IQCJ: variants seen among roughly 807,000 people sequenced by gnomAD.
IQCJ encodes IQ domain-containing protein J.
IQCJ carries 9 observed loss-of-function variants against 11.0 expected under a neutral mutation model. The ratio of observed to expected loss-of-function variants is 0.82; its 90% CI spans 0.49 to 1.43. The LOEUF (loss-of-function observed/expected upper bound fraction) is 1.43, where lower values mean the gene tolerates loss of function less well. IQCJ is among the 40% of genes most tolerant of loss of function. IQCJ has a pLI of 0.00. For missense variants in IQCJ, 146 were observed against 133.2 expected, an observed-to-expected ratio of 1.10 and a Z score of -0.47; for synonymous variants, 55 against 51.3, an observed-to-expected ratio of 1.07 and a Z score of -0.31.
At chr3:159,142,741 T>A (rs1370491060) in intron 1 of IQCJ, among the ~76,000 whole-genome samples, 1 of 152,164 alleles carries the variant, frequency 6.6e-6, no homozygotes, top group South Asian at 2.1e-4. Context: ...TTTATTTTAT[T>A]TTATTTTTTA....
intron 1 of IQCJ, among the ~76,000 whole-genome samples, chr3:159,109,434 T>C (rs1718473865): frequency 6.8e-6 from 1 of 146,430 alleles, no homozygotes; most frequent in Non-Finnish European, 1.5e-5. Context: ...GCATTTTAAC[T>C]CACAAATAGC....
intron 1 of IQCJ, among the ~76,000 whole-genome samples, chr3:159,109,491 C>A (rs1221303439): frequency 1.5e-5 from 2 of 129,752 alleles, no homozygotes; most frequent in Non-Finnish European, 1.6e-5. Context: ...GTTAAGAAAG[C>A]ACATAAGGCT....
At chr3:159,129,571 A>G (rs1232553600) in intron 1 of IQCJ, among the ~76,000 whole-genome samples, 1 of 152,162 alleles carries the variant, frequency 6.6e-6, no homozygotes, top group Admixed American at 6.6e-5. Flanking sequence ...GAGGGGAAAG[A>G]GTTGTAAAGT....
At chr3:159,074,484 A>G (rs1418551504) in intron 1 of IQCJ, among the ~76,000 whole-genome samples, 1 of 152,024 alleles carries the variant, frequency 6.6e-6, no homozygotes, top group Non-Finnish European at 1.5e-5. Flanking sequence ...AAAGATGACA[A>G]GGGTCTAACA....
At chr3:159,230,319 C>T (rs966255232) in intron 1 of IQCJ, among the ~76,000 whole-genome samples, 15 of 152,226 alleles carry the variant, frequency 9.9e-5, no homozygotes, top group African/African-American at 2.2e-4. Flanking sequence ...AATTCCATGT[C>T]GTTTCTATTG....
intron 2 of IQCJ, among the ~76,000 whole-genome samples, chr3:159,252,472 A>C (rs1727658030): frequency 6.6e-6 from 1 of 152,180 alleles, no homozygotes. Context: ...TCTTAAAGGA[A>C]ATGATTTTCA....
chr3:159,199,768 A>G (rs1214030789), intron 1 of IQCJ, among the ~76,000 whole-genome samples: 2 of 151,964 alleles, frequency 1.3e-5, no homozygotes, highest in East Asian at 1.9e-4. Context: ...CTGGGTCACA[A>G]TGGTCTAATG....
intron 1 of IQCJ, among the ~76,000 whole-genome samples, chr3:159,084,319 G>C (rs1159877779): frequency 6.6e-6 from 1 of 152,048 alleles, no homozygotes; most frequent in African/African-American, 2.4e-5. Flanking sequence ...TGTTGAGTTT[G>C]AGAAGCTAGA....
chr3:159,165,523 A>G (rs1052029940), intron 1 of IQCJ, among the ~76,000 whole-genome samples: 8 of 152,210 alleles, frequency 5.3e-5, no homozygotes, highest in Non-Finnish European at 1.0e-4. Flanking sequence ...TGTATTTTCA[A>G]TTACAACAGA....
chr3:159,194,216 T>A (rs1723850177), intron 1 of IQCJ, among the ~76,000 whole-genome samples: 1 of 152,124 alleles, frequency 6.6e-6, no homozygotes, highest in South Asian at 2.1e-4. Context: ...GTGTGAGAGA[T>A]TTTTACTGAA....
chr3:159,212,821 G>C (rs1725026123), intron 1 of IQCJ, among the ~76,000 whole-genome samples: 1 of 152,172 alleles, frequency 6.6e-6, no homozygotes, highest in Non-Finnish European at 1.5e-5. Flanking sequence ...GTGGCAGAAG[G>C]CTGTGAAAAG....
chr3:159,118,630 T>G (rs992353805), intron 1 of IQCJ, among the ~76,000 whole-genome samples: 1 of 152,328 alleles, frequency 6.6e-6, no homozygotes, highest in East Asian at 1.9e-4. Flanking sequence ...ACCAGTTGGC[T>G]TCCAAGCCTA....
intron 1 of IQCJ, among the ~76,000 whole-genome samples, chr3:159,212,763 A>G (rs1282030260): frequency 2.0e-5 from 3 of 152,170 alleles, no homozygotes; most frequent in Admixed American, 2.0e-4. Context: ...TCAGGTCTCT[A>G]TCTTTGAAAG....
chr3:159,086,467 G>C (rs1380358637), intron 1 of IQCJ, among the ~76,000 whole-genome samples: 4 of 152,188 alleles, frequency 2.6e-5, no homozygotes, highest in East Asian at 3.8e-4. Flanking sequence ...GTCATTGGTA[G>C]CTTGATGGGG....
chr3:159,133,793 A>C (rs1160677441), intron 1 of IQCJ, among the ~76,000 whole-genome samples: 1 of 152,188 alleles, frequency 6.6e-6, no homozygotes, highest in Admixed American at 6.5e-5. Context: ...CTGTTAGTAG[A>C]ATGTACTTAT....
chr3:159,263,684 A>G lies in IQCJ; in HGVS notation c.*953A>G. On this transcript the variant is annotated 3_prime_UTR_variant, in exon 4 of 4. Transcript: ENST00000397832. ...CTCAACGCAATGTATTCTTTTTGGG[A>G]TCAGGTAAAAGTTACTGTATTTGAA... 7 of 985,428 alleles carry G rather than the reference A, an allele frequency of 7.1e-6. No homozygotes were observed. The highest frequency in any genetic ancestry group is 7.2e-6 in the Non-Finnish European group (6 of 829,914). The allele number at this position is 985,428 out of a possible 1,614,324, so 61.0% of individuals were successfully genotyped here.
intron 1 of IQCJ, among the ~76,000 whole-genome samples, chr3:159,152,901 G>T (rs1721309545): frequency 6.6e-6 from 1 of 152,130 alleles, no homozygotes; most frequent in Non-Finnish European, 1.5e-5. Context: ...GATGAGATAA[G>T]GTAGTACGCC....
chr3:159,245,742 T>C (rs1387418218), intron 1 of IQCJ, 101 bp from the exon 2 acceptor site: 3 of 1,013,194 alleles, frequency 3.0e-6, no homozygotes, highest in Non-Finnish European at 4.4e-6. Context: ...CCAGAACTCT[T>C]AATGTTGTGT....
intron 1 of IQCJ, among the ~76,000 whole-genome samples, chr3:159,094,089 C>T (rs147759081): frequency 3.3e-5 from 5 of 151,876 alleles, no homozygotes; most frequent in African/African-American, 1.2e-4. Flanking sequence ...AGCTTTTTCT[C>T]CTTTACATGT....
Sources: allele counts gnomAD v4.1 joint callset (sites outside exome capture counted in the v4.1 genomes callset), GRCh38; gene constraint gnomAD v4.1.1; transcripts MANE v1.5; gene names NCBI Gene and HGNC (gene_info 2026-07-23, HGNC 2026-07-21).